The following UQCRC2 variants were observed in gnomAD, a reference collection of about 807,000 sequenced individuals.
UQCRC2 encodes cytochrome b-c1 complex subunit 2, mitochondrial.
In UQCRC2, 49 loss-of-function variants were observed where a neutral mutation model predicts 55.6. That is an observed-to-expected ratio of 0.88 (90% CI 0.70 to 1.12). UQCRC2 has a LOEUF of 1.12. Among genes scored for constraint, UQCRC2 ranks in the 50% most tolerant of loss-of-function variants. The pLI is 0.00. For missense variants in UQCRC2, 506 were observed against 547.8 expected (o/e 0.92, Z 0.76); for synonymous variants, 193 against 192.0 (o/e 1.01, Z -0.04).
At chr16:21,966,736 T>A (rs1187492612) in intron 7 of UQCRC2, among the ~76,000 whole-genome samples, 2 of 152,216 alleles carry the variant, frequency 1.3e-5, no homozygotes, top group African/African-American at 4.8e-5. Context: ...CTAATGAGTT[T>A]TGAAATTTTT....
chr16:21,970,235 G>A (rs1000263754), intron 8 of UQCRC2, among the ~76,000 whole-genome samples: 1 of 151,978 alleles, frequency 6.6e-6, no homozygotes, highest in Non-Finnish European at 1.5e-5. Context: ...TCTACCTTTT[G>A]GCTGTCGTAA....
chr16:21,971,794 G>T, intron 9 of UQCRC2, 129 bp from the exon 10 acceptor site: 1 of 1,381,726 alleles, frequency 7.2e-7, no homozygotes, highest in South Asian at 1.3e-5. Context: ...GGGACAGGAT[G>T]GCATGGGGAA....
In UQCRC2 at chr16:21,958,278, A is replaced by G. The variant is rs563480208; in HGVS notation, c.268-257A>G. On this transcript the variant is annotated intron_variant, in intron 3 of 13. Coordinates refer to ENST00000268379, the MANE Select transcript of UQCRC2 (RefSeq NM_003366.4). ...AAAATTAACTCTTTTTTTCCCATATACAAGTCTCTTTCAGAATAGACTAAT... is the reference window on the plus strand; with the variant it reads ...AAAATTAACTCTTTTTTTCCCATATGCAAGTCTCTTTCAGAATAGACTAAT... 4.6e-5 allele frequency among the ~76,000 whole-genome samples: 7 copies of G among 152,324 alleles called. No individual in the cohort carries two copies. In the South Asian group the frequency reaches 1.4e-3, roughly 32 times the overall value.
Position 21,972,131 on chromosome 16 carries a change from G to T in UQCRC2, c.966+9G>T. On this transcript the variant is annotated intron_variant, in intron 10 of 13. Coordinates refer to ENST00000268379, the MANE Select transcript of UQCRC2 (RefSeq NM_003366.4). Reference sequence around the variant, plus strand: ...CTCAGCAGCCATTTGATGTGAGTCTGAACAGTTGGTATCTCTCTTTTTGCT... The same window carrying T: ...CTCAGCAGCCATTTGATGTGAGTCTTAACAGTTGGTATCTCTCTTTTTGCT... The T allele has an allele frequency of 3.1e-6, 5 of 1,609,986 alleles. No homozygotes were observed. The highest frequency in any genetic ancestry group is 4.2e-6 in the Non-Finnish European group (5 of 1,177,902).
At chr16:21,961,406 C>G (rs1898195127) in intron 4 of UQCRC2, 3 of 358,442 alleles carry the variant, frequency 8.4e-6, no homozygotes, top group African/African-American at 4.2e-5. Flanking sequence ...CATACGTCAA[C>G]ATAGCACAAC....
chr16:21,978,282 G>A (rs1337215447), intron 12 of UQCRC2, among the ~76,000 whole-genome samples: 3 of 152,122 alleles, frequency 2.0e-5, no homozygotes, highest in South Asian at 4.1e-4. Flanking sequence ...AGCTGACAAC[G>A]TGGTAAAACT....
At chr16:21,956,657 A>G (rs1191772611) in intron 1 of UQCRC2, among the ~76,000 whole-genome samples, 3 of 152,250 alleles carry the variant, frequency 2.0e-5, no homozygotes, top group East Asian at 1.9e-4. Context: ...AAGAAAATAC[A>G]GTGATTCTTT....
intron 3 of UQCRC2, 84 bp from the exon 4 acceptor site, chr16:21,958,451 C>T: frequency 1.7e-6 from 2 of 1,199,106 alleles, no homozygotes; most frequent in South Asian, 2.7e-5. Flanking sequence ...TTTAAATCTG[C>T]TCACAACAGA....
At position 21,965,499 on chromosome 16, in the gene UQCRC2, A is replaced by G. The variant is rs1347722296; in HGVS notation, c.606A>G (p.Ser202=). 5 of 1,594,314 alleles carry G rather than the reference A, an allele frequency of 3.1e-6. No individual in the cohort carries two copies. The highest frequency in any genetic ancestry group is 4.3e-6 in the Non-Finnish European group (5 of 1,172,034). ...CPDYRIGKVT[S]EELHYFVQNH... ...ACTATAGGATTGGAAAAGTGACATC[A>G]GAGGAGGTACCAATAAAACATATTT... is the stretch of plus-strand genomic sequence containing the variant. The change falls in exon 7 of 14, where the codon TCA becomes TCG. Residue 202 remains serine, a synonymous_variant. Coordinates refer to ENST00000268379, the MANE Select transcript of UQCRC2 (RefSeq NM_003366.4).
chr16:21,974,165 G>T lies in UQCRC2; in HGVS notation c.1047+189G>T, dbSNP rs11648723. Among the ~76,000 whole-genome samples the T allele has an allele frequency of 0.04, 6,047 of 152,254 alleles. 164 individuals are homozygous for T. The highest frequency in any genetic ancestry group is 0.06 in the Non-Finnish European group (4,081 of 68,008). Reference sequence around the variant, plus strand: ...TTACACATGTATACTAATGCTTCCAGGAAAGAGGAGAGAATTGCCTCCTTC... The same window carrying T: ...TTACACATGTATACTAATGCTTCCATGAAAGAGGAGAGAATTGCCTCCTTC... On this transcript the variant is annotated intron_variant, in intron 11 of 13. Transcript: ENST00000268379.
chr16:21,982,445 C>T (rs1176200620), intron 13 of UQCRC2, among the ~76,000 whole-genome samples: 1 of 152,172 alleles, frequency 6.6e-6, no homozygotes, highest in Non-Finnish European at 1.5e-5. Flanking sequence ...AAGTATATCC[C>T]TGCCTGAAGC....
chr16:21,978,531 A>G (rs1898639514), intron 12 of UQCRC2, among the ~76,000 whole-genome samples: 1 of 152,108 alleles, frequency 6.6e-6, no homozygotes, highest in African/African-American at 2.4e-5. Context: ...TGCCTTTTCC[A>G]TCATACCCTA....
intron 6 of UQCRC2, among the ~76,000 whole-genome samples, chr16:21,963,423 AT>A (rs1898251311): frequency 6.6e-6 from 1 of 152,064 alleles, no homozygotes; most frequent in Non-Finnish European, 1.5e-5. Context: ...TGTTTGTAAG[AT>A]CCTAGAAGTT....
intron 13 of UQCRC2, among the ~76,000 whole-genome samples, chr16:21,982,468 T>C (rs956797011): frequency 2.0e-5 from 3 of 152,216 alleles, no homozygotes; most frequent in African/African-American, 7.2e-5. Context: ...CACTACTCTA[T>C]TTGACAGTGT....
At chr16:21,980,442 T>C (rs1468497038) in intron 12 of UQCRC2, 105 bp from the exon 13 acceptor site, 1 of 1,213,032 alleles carries the variant, frequency 8.2e-7, no homozygotes, top group Non-Finnish European at 1.2e-6. Context: ...GCTGTTACTC[T>C]ATCCATTAAA....
chr16:21,964,094 T>C (rs2945464), intron 6 of UQCRC2, among the ~76,000 whole-genome samples: 143,503 of 152,204 alleles, frequency 0.94, 68,146 homozygotes, highest in Non-Finnish European at 0.99. Flanking sequence ...AACTCAGTGG[T>C]TCAGCATGGG....
At chr16:21,965,294 A>G (rs1898298650) in intron 6 of UQCRC2, 114 bp from the exon 7 acceptor site, 4 of 859,594 alleles carry the variant, frequency 4.7e-6, no homozygotes, top group Admixed American at 2.1e-5. Flanking sequence ...TCCTCTTAAC[A>G]TATGAATGCC....
At chr16:21,982,280 C>T (rs1898751165) in intron 13 of UQCRC2, among the ~76,000 whole-genome samples, 1 of 152,118 alleles carries the variant, frequency 6.6e-6, no homozygotes, top group African/African-American at 2.4e-5. Context: ...TGCTGCTCCA[C>T]CTACACCTGA....
At chr16:21,958,159 G>A (rs1312703361) in intron 3 of UQCRC2, among the ~76,000 whole-genome samples, 1 of 152,156 alleles carries the variant, frequency 6.6e-6, no homozygotes, top group Non-Finnish European at 1.5e-5. Context: ...ATTTGCCACA[G>A]AGAAGCACTA....
Sources: allele counts gnomAD v4.1 joint callset (sites outside exome capture counted in the v4.1 genomes callset), GRCh38; gene constraint gnomAD v4.1.1; transcripts MANE v1.5; gene names NCBI Gene and HGNC (gene_info 2026-07-23, HGNC 2026-07-21).